The following PRICKLE2 variants were observed in gnomAD, a reference collection of about 807,000 sequenced individuals.
PRICKLE2 encodes prickle planar cell polarity protein 2, also known as prickle-like protein 2.
In PRICKLE2, 21 loss-of-function variants were observed where a neutral mutation model predicts 81.4. The observed-to-expected ratio is 0.26, with a 90% confidence interval of 0.18 to 0.37. The LOEUF (loss-of-function observed/expected upper bound fraction) is 0.37. Ranked by LOEUF, PRICKLE2 falls within the 10% of genes least tolerant of loss-of-function variation. PRICKLE2 has a pLI of 1.00. For synonymous variants in PRICKLE2, 456 were observed against 421.5 expected (o/e 1.08, Z -1.00); for missense variants, 940 against 1,109.0 (o/e 0.85, Z 2.16).
At chr3:64,115,623 G>C (rs114916370) in intron 7 of PRICKLE2, among the ~76,000 whole-genome samples, 15,335 of 152,216 alleles carry the variant, frequency 0.1, 1,015 homozygotes, top group Middle Eastern at 0.24. Flanking sequence ...TAATGGTAAA[G>C]GGTGGAATTC....
At chr3:64,153,827 T>C (rs2077583701) in intron 5 of PRICKLE2, 1 of 172,330 alleles carries the variant, frequency 5.8e-6, no homozygotes, top group Admixed American at 5.5e-5. Context: ...AGTAATAAAC[T>C]AGAGCTAAGA....
rs76735078 is a variant in PRICKLE2, at chr3:64,191,582, T to C, written c.144+7202A>G. Among the ~76,000 whole-genome samples the C allele has an allele frequency of 8.5e-3, 1,290 of 152,310 alleles. 22 individuals are homozygous for C. Among genetic ancestry groups the C allele is most frequent in the African/African-American group, 0.029 (1,217 of 41,558 alleles). ...CCTACGGTGAAGACAGGAAGAGTAATTACTAAATAATGTTGGTTGAGTATT... is the reference window on the plus strand; with the variant it reads ...CCTACGGTGAAGACAGGAAGAGTAACTACTAAATAATGTTGGTTGAGTATT... On this transcript the variant is annotated intron_variant, in intron 2 of 7. Transcript: ENST00000638394.
At chr3:64,119,187 A>T (rs962720662) in intron 7 of PRICKLE2, among the ~76,000 whole-genome samples, 1 of 152,186 alleles carries the variant, frequency 6.6e-6, no homozygotes, top group African/African-American at 2.4e-5. Flanking sequence ...ACATGGACAC[A>T]TGGAGGGGAA....
Position 64,147,548 on chromosome 3 carries a change from T to C in PRICKLE2, c.942A>G (p.Glu314=), listed in dbSNP as rs1439171847. 1 of 1,614,248 alleles carries C rather than the reference T, an allele frequency of 6.2e-7. No individual in the cohort carries two copies. Among genetic ancestry groups the C allele is most frequent in the South Asian group, 1.1e-5 (1 of 91,092 alleles). ...IFCSRACSAG[E]DPNGSDSSDS... ...CAGAGGAGTCAGAACCATTGGGGTC[T>C]TCCCCAGCACTGCAGGCCCGTGAGC... The change falls in exon 7 of 8, where the codon GAA becomes GAG. Residue 314 remains glutamate (E), a synonymous_variant. Coordinates refer to ENST00000638394, the MANE Select transcript of PRICKLE2 (RefSeq NM_198859.4). This position sits in a 1 kb window ranked among gnomAD's most constrained non-coding sequence, Gnocchi z 5.0.
intron 7 of PRICKLE2, among the ~76,000 whole-genome samples, chr3:64,138,412 G>C (rs1398454899): frequency 6.6e-6 from 1 of 152,214 alleles, no homozygotes; most frequent in African/African-American, 2.4e-5. Flanking sequence ...TAATAGGGAA[G>C]ATCAATACTT....
At chr3:64,193,639 C>T (rs543069031) in intron 2 of PRICKLE2, among the ~76,000 whole-genome samples, 2 of 152,150 alleles carry the variant, frequency 1.3e-5, no homozygotes, top group Admixed American at 1.3e-4. Context: ...TATGGTTTGG[C>T]TGTGTCCCCA....
At position 64,225,450 on chromosome 3, in the gene PRICKLE2, G is replaced by C; in HGVS notation, c.-581C>G. 1 of 985,106 alleles carries C rather than the reference G, an allele frequency of 1.0e-6. No homozygotes were observed. Among genetic ancestry groups the C allele is most frequent in the Non-Finnish European group, 1.2e-6 (1 of 829,870 alleles). 61.0% of individuals were successfully genotyped at this position (985,106 alleles called of 1,614,324 possible). ...CGGTGGCGCTGCTGGTGGTGCCTGAGAAGTCGCTGTTGCAGTGCTTGCATC... is the reference window on the plus strand; with the variant it reads ...CGGTGGCGCTGCTGGTGGTGCCTGACAAGTCGCTGTTGCAGTGCTTGCATC... On this transcript the variant is annotated 5_prime_UTR_variant, in exon 1 of 8. Transcript: ENST00000638394.
intron 2 of PRICKLE2, among the ~76,000 whole-genome samples, chr3:64,261,757 G>A (rs537533720): frequency 3.9e-5 from 6 of 152,290 alleles, no homozygotes; most frequent in African/African-American, 1.4e-4. Flanking sequence ...AGCCAGGTAG[G>A]AAGATGCCCT....
intron 2 of PRICKLE2, among the ~76,000 whole-genome samples, chr3:64,239,111 C>T (rs1438952703): frequency 6.6e-6 from 1 of 152,180 alleles, no homozygotes; most frequent in African/African-American, 2.4e-5. Flanking sequence ...TATTTAGCAC[C>T]CTCCTCTGAG....
chr3:64,266,072 G>T (rs2079702880), intron 2 of PRICKLE2, among the ~76,000 whole-genome samples: 1 of 152,150 alleles, frequency 6.6e-6, no homozygotes, highest in African/African-American at 2.4e-5. Flanking sequence ...AGACTGCCTT[G>T]TAACAGAGCT....
At chr3:64,153,631 A>C in intron 5 of PRICKLE2, 2 of 454,496 alleles carry the variant, frequency 4.4e-6, no homozygotes, top group Non-Finnish European at 8.0e-6. Flanking sequence ...AGAATGTTCT[A>C]CCCTGGAGAA....
chr3:64,113,356 G>A (rs2076881542), intron 7 of PRICKLE2, among the ~76,000 whole-genome samples: 1 of 152,184 alleles, frequency 6.6e-6, no homozygotes, highest in Non-Finnish European at 1.5e-5. Context: ...GGTCTGACCT[G>A]TGCACCCCTT....
chr3:64,175,785 CAAAA>C (rs1468678290), intron 2 of PRICKLE2, among the ~76,000 whole-genome samples: 2 of 151,894 alleles, frequency 1.3e-5, no homozygotes, highest in Admixed American at 6.6e-5. Context: ...AATAAAGTGA[CAAAA>C]GAATGAAAAT....
chr3:64,239,244 G>A (rs1188156979), intron 2 of PRICKLE2, among the ~76,000 whole-genome samples: 3 of 152,188 alleles, frequency 2.0e-5, no homozygotes, highest in Non-Finnish European at 1.5e-5. Context: ...CCCTGCTGGG[G>A]GGCGGGGGGC....
rs1459335763 is a variant in PRICKLE2 at position 64,146,820 on chromosome 3, C to A, written c.1660+10G>T. ...CCTTTCTATCTGTTTTCAAGGTGAA[C>A]AGAACCTACCTGTTGCATTAGACAG... is the stretch of plus-strand genomic sequence containing the variant. On this transcript the variant is annotated intron_variant, in intron 7 of 7. Transcript: ENST00000638394. 2.5e-6 allele frequency: 4 copies of A among 1,613,824 alleles called. No individual in the cohort carries two copies. The African/African-American group carries it at 5.3e-5, about 22-fold the overall frequency.
chr3:64,186,265 A>T (rs2078230924), intron 2 of PRICKLE2, among the ~76,000 whole-genome samples: 1 of 152,232 alleles, frequency 6.6e-6, no homozygotes, highest in Non-Finnish European at 1.5e-5. Flanking sequence ...TGTTTAAAAC[A>T]TTGTTTCATT....
chr3:64,116,166 A>G (rs764390498), intron 7 of PRICKLE2, among the ~76,000 whole-genome samples: 7 of 152,218 alleles, frequency 4.6e-5, no homozygotes, highest in Non-Finnish European at 8.8e-5. Flanking sequence ...AAGATACAAC[A>G]TATCAGAATC....
In PRICKLE2 at chr3:64,147,623, C is replaced by T; in HGVS notation, c.867G>A (p.Lys289=). Residue 289 remains lysine (K), a synonymous_variant, in exon 7 of 8, where the codon AAG becomes AAA. Coordinates refer to ENST00000638394, the MANE Select transcript of PRICKLE2 (RefSeq NM_198859.4). The surrounding 1 kb of genome is among the most constrained non-coding windows in gnomAD (Gnocchi z 5.0). Reference sequence around the variant, plus strand: ...GGAATGGCCGCCCCAGGAGGGATTTCTTGCAGTGAGCACAGCAGAAACAGG... The same window carrying T: ...GGAATGGCCGCCCCAGGAGGGATTTTTTGCAGTGAGCACAGCAGAAACAGG... ...TETCFCCAHC[K]KSLLGRPFLP... 6.2e-7 allele frequency: 1 copy of T among 1,614,184 alleles called. No individual in the cohort carries two copies.
chr3:64,132,988 T>C (rs2077219343), intron 7 of PRICKLE2, among the ~76,000 whole-genome samples: 1 of 152,128 alleles, frequency 6.6e-6, no homozygotes, highest in Non-Finnish European at 1.5e-5. Flanking sequence ...GGAATGGAAA[T>C]GGTGCTTTAT....
Sources: allele counts gnomAD v4.1 joint callset (sites outside exome capture counted in the v4.1 genomes callset), GRCh38; gene constraint gnomAD v4.1.1; non-coding constraint Gnocchi (gnomAD v3.1); transcripts MANE v1.5; gene names NCBI Gene and HGNC (gene_info 2026-07-23, HGNC 2026-07-21).